ABHD12: variants seen among roughly 807,000 people sequenced by gnomAD.
The protein encoded by ABHD12 is lysophosphatidylserine lipase ABHD12.
A neutral mutation model predicts 58.3 loss-of-function variants in ABHD12; 43 were observed. The observed-to-expected ratio is 0.74, with a 90% confidence interval of 0.58 to 0.95. ABHD12 has a LOEUF of 0.95. Ranked by LOEUF, ABHD12 falls within the 40% of genes least tolerant of loss-of-function variation. The probability of loss-of-function intolerance (pLI) is 0.00; values close to 1 mark genes in which losing one functional copy is unlikely to be tolerated. For missense variants in ABHD12, 539 were observed against 537.2 expected (o/e 1.00, Z -0.03); for synonymous variants, 219 against 211.2 (o/e 1.04, Z -0.32).
At chr20:25,316,794 T>C (rs952882907) in intron 5 of ABHD12, among the ~76,000 whole-genome samples, 1 of 152,172 alleles carries the variant, frequency 6.6e-6, no homozygotes, top group African/African-American at 2.4e-5. Flanking sequence ...TAGCTGGGCG[T>C]GGTGGCGGCA....
At chr20:25,387,708 C>G (rs1233141033) in intron 1 of ABHD12, among the ~76,000 whole-genome samples, 1 of 151,832 alleles carries the variant, frequency 6.6e-6, no homozygotes. Context: ...CCACTGTGCT[C>G]CAGCCTGGGT....
intron 1 of ABHD12, chr20:25,368,171 G>T: frequency 1.0e-6 from 1 of 961,628 alleles, no homozygotes. Context: ...TGCAGCAAGA[G>T]CACAAAGATT....
At chr20:25,339,450 A>G (rs1482173984) in intron 1 of ABHD12, 99 bp from the exon 2 acceptor site, 3 of 1,576,052 alleles carry the variant, frequency 1.9e-6, no homozygotes, top group South Asian at 2.3e-5. Flanking sequence ...AGAGCCACAC[A>G]TATTTTTTTT....
intron 2 of ABHD12, among the ~76,000 whole-genome samples, chr20:25,329,818 G>A (rs915885355): frequency 5.3e-5 from 8 of 152,190 alleles, no homozygotes; most frequent in African/African-American, 1.9e-4. Flanking sequence ...CCTGATGCAG[G>A]CTTACAGGAC....
intron 1 of ABHD12, among the ~76,000 whole-genome samples, chr20:25,375,984 G>A (rs899648627): frequency 4.6e-5 from 7 of 152,050 alleles, no homozygotes; most frequent in African/African-American, 1.2e-4. Context: ...TTAGCTGGGC[G>A]TGGTGGTGGG....
chr20:25,306,194 A>AG (rs1202894025), intron 10 of ABHD12, among the ~76,000 whole-genome samples: 1 of 148,844 alleles, frequency 6.7e-6, no homozygotes, highest in Non-Finnish European at 1.5e-5. Context: ...AAAAAAAAAA[A>AG]GAAGAAAAAT....
rs779293077 is a variant in ABHD12, at chr20:25,387,589, T to TAAAAAAAAAAAAAAAAAAAAAAAAAA, written c.191+2923_191+2924insTTTTTTTTTTTTTTTTTTTTTTTTTT. Among the ~76,000 whole-genome samples the TAAAAAAAAAAAAAAAAAAAAAAAAAA allele has an allele frequency of 2.3e-5, 2 of 85,222 alleles. 1 individual carries two copies. Among genetic ancestry groups the TAAAAAAAAAAAAAAAAAAAAAAAAAA allele is most frequent in the Non-Finnish European group, 4.3e-5 (2 of 46,698 alleles). 55.9% of individuals were successfully genotyped at this position (85,222 alleles called of 152,430 possible). A position where few individuals can be genotyped will look rare whatever the true frequency, so the allele number is the denominator to read the frequency against. On this transcript the variant is annotated intron_variant, in intron 1 of 12. Transcript: ENST00000339157. ...GCAACATAGTGAGACTTCATCTCTA[T>TAAAAAAAAAAAAAAAAAAAAAAAAAA]TAAAAAAAAAAAAAAAAAATTAACC...
At chr20:25,328,104 GAA>G (rs770049229) in intron 2 of ABHD12, among the ~76,000 whole-genome samples, 8 of 136,552 alleles carry the variant, frequency 5.9e-5, no homozygotes, top group African/African-American at 8.1e-5. Flanking sequence ...CAGTCTCCTG[GAA>G]AAAAAAAAAA....
At chr20:25,306,162 G>A (rs1252232438) in intron 10 of ABHD12, among the ~76,000 whole-genome samples, 3 of 139,372 alleles carry the variant, frequency 2.2e-5, no homozygotes, top group African/African-American at 8.2e-5. Flanking sequence ...GCAAGACTCC[G>A]TCTCAAAAAA....
At chr20:25,383,166 G>A (rs989221475) in intron 1 of ABHD12, among the ~76,000 whole-genome samples, 2 of 152,170 alleles carry the variant, frequency 1.3e-5, no homozygotes, top group Admixed American at 6.5e-5. Context: ...ACTGAACCTC[G>A]GGAAGGCTGA....
intron 4 of ABHD12, 50 bp downstream of exon 4, chr20:25,320,149 C>A: frequency 6.2e-7 from 1 of 1,610,108 alleles, no homozygotes; most frequent in South Asian, 1.1e-5. Context: ...ATTCCCACCC[C>A]AAAAAGGAGC....
At position 25,381,431 on chromosome 20, in the gene ABHD12, G is replaced by A. The variant is rs908097527; in HGVS notation, c.191+9082C>T. 2.6e-5 allele frequency among the ~76,000 whole-genome samples: 4 copies of A among 152,146 alleles called. No individual in the cohort carries two copies. In the East Asian group the frequency reaches 7.7e-4, roughly 29 times the overall value. ...GTAACAGGTACTCAAACTGTTAAATGAGTGGCTGGAAAAAAGTGTTAAATA... is the reference window on the plus strand; with the variant it reads ...GTAACAGGTACTCAAACTGTTAAATAAGTGGCTGGAAAAAAGTGTTAAATA... On this transcript the variant is annotated intron_variant, in intron 1 of 12. Coordinates refer to ENST00000339157, the MANE Select transcript of ABHD12 (RefSeq NM_001042472.3).
intron 3 of ABHD12, among the ~76,000 whole-genome samples, chr20:25,322,381 A>ATATATATATATATATATATATATTT: frequency 3.4e-4 from 20 of 59,254 alleles, no homozygotes; most frequent in African/African-American, 1.7e-3. Flanking sequence ...ATATATATAT[A>ATATATATATATATATATATATATTT]TTTTTTTTTT....
In ABHD12 at chr20:25,374,579, C is replaced by T. The variant is rs145877781; in HGVS notation, c.191+15934G>A. On this transcript the variant is annotated intron_variant, in intron 1 of 12. Transcript: ENST00000339157. ...CACGATCTCAGCTCACTGCAACCTCCGCCTCCCAGGTTCAAGTGATTCTCC... is the reference window on the plus strand; with the variant it reads ...CACGATCTCAGCTCACTGCAACCTCTGCCTCCCAGGTTCAAGTGATTCTCC... Among the ~76,000 whole-genome samples, 220 of 152,218 alleles carry T rather than the reference C, an allele frequency of 1.4e-3. 2 individuals are homozygous for T. Among genetic ancestry groups the T allele is most frequent in the South Asian group, 4.6e-3 (22 of 4,824 alleles).
At chr20:25,328,234 A>G (rs1015737013) in intron 2 of ABHD12, among the ~76,000 whole-genome samples, 3 of 152,188 alleles carry the variant, frequency 2.0e-5, no homozygotes, top group African/African-American at 7.2e-5. Context: ...TGGGAAAGTG[A>G]GTCCACTTCA....
intron 5 of ABHD12, among the ~76,000 whole-genome samples, chr20:25,316,134 C>G (rs1210942681): frequency 6.6e-6 from 1 of 151,424 alleles, no homozygotes; most frequent in Non-Finnish European, 1.5e-5. Context: ...GTCAGTGTAG[C>G]ACCTGGAGCA....
chr20:25,319,918 T>A (rs1226712414), intron 4 of ABHD12, among the ~76,000 whole-genome samples: 2 of 152,218 alleles, frequency 1.3e-5, no homozygotes, highest in East Asian at 3.9e-4. Flanking sequence ...GCACACAGCT[T>A]CCCACACTTG....
rs1204231454 is a variant in ABHD12 at position 25,317,030 on chromosome 20, G to T, written c.573+18C>A. ...AAGAACAGCCCAGGGAACAGGTGTG[G>T]GTGCTGCCTGCACTCACCTTGTAAA... On this transcript the variant is annotated intron_variant, in intron 5 of 12. Transcript: ENST00000339157. The T allele has an allele frequency of 6.2e-7, 1 of 1,611,172 alleles. No individual in the cohort carries two copies.
chr20:25,382,709 C>T lies in ABHD12; in HGVS notation c.191+7804G>A, dbSNP rs190393952. Among the ~76,000 whole-genome samples, 167 of 152,244 alleles carry T rather than the reference C, an allele frequency of 1.1e-3. 1 individual carries two copies. The highest frequency in any genetic ancestry group is 3.8e-3 in the African/African-American group (160 of 41,564). On this transcript the variant is annotated intron_variant, in intron 1 of 12. Transcript: ENST00000339157. ...TGCTTTCAGCCTGCCCAAAGATACC[C>T]CTCACAGTTCAGGCCTGTCTGCCAA...
Sources: allele counts gnomAD v4.1 joint callset (sites outside exome capture counted in the v4.1 genomes callset), GRCh38; gene constraint gnomAD v4.1.1; transcripts MANE v1.5; gene names NCBI Gene and HGNC (gene_info 2026-07-23, HGNC 2026-07-21).